The following SRPX2 variants were observed in gnomAD, a reference collection of about 807,000 sequenced individuals.
SRPX2 encodes sushi repeat containing protein X-linked 2.
Under a neutral mutation model 45.3 loss-of-function variants are expected in SRPX2, and 26 were observed. The ratio of observed to expected loss-of-function variants is 0.57; its 90% CI spans 0.42 to 0.80. SRPX2 has a LOEUF of 0.80. Among genes scored for constraint, SRPX2 ranks in the 30% least tolerant of loss-of-function variants. SRPX2 has a pLI of 0.00. For synonymous variants in SRPX2, 125 were observed against 143.7 expected (o/e 0.87, Z 0.93); for missense variants, 355 against 399.8 (o/e 0.89, Z 0.95).
At position 100,667,341 on chromosome X, in the gene SRPX2, A is replaced by C; in HGVS notation, c.1029A>C (p.Arg343=). 8.3e-7 allele frequency: 1 copy of C among 1,210,422 alleles called. No individual in the cohort carries two copies. The highest frequency in any genetic ancestry group is 1.1e-6 in the Non-Finnish European group (1 of 894,883). ...TGGATCAATTCTATGAGAAACAGCG[A>C]CTCCTCATCATCTCAGCTCCTGATC... ...GLLDQFYEKQ[R]LLIISAPDPS... The change falls in exon 9 of 11, where the codon CGA becomes CGC. Residue 343 remains arginine (R), a synonymous_variant. Transcript: ENST00000373004.
chrX:100,646,120 C>A, intron 1 of SRPX2, 73 bp from the exon 2 acceptor site: 1 of 436,512 alleles, frequency 2.3e-6, no homozygotes, highest in Non-Finnish European at 4.0e-6. Flanking sequence ...TATTCTATAA[C>A]ATGAAAGATC....
intron 3 of SRPX2, among the ~76,000 whole-genome samples, chrX:100,661,736 C>T (rs749661783): frequency 2.0e-4 from 22 of 112,022 alleles, no homozygotes; most frequent in Non-Finnish European, 3.9e-4. Context: ...CGCCACTGCA[C>T]TCCAGCCTGG....
Position 100,670,799 on chromosome X carries a change from C to G in SRPX2, c.1218-8C>G. 8.3e-7 allele frequency: 1 copy of G among 1,211,092 alleles called. No individual in the cohort carries two copies. Among genetic ancestry groups the G allele is most frequent in the Non-Finnish European group, 1.1e-6 (1 of 895,334 alleles). ...AGGTCTCATACCTCCCTGGGCTGTT[C>G]TCTCTAGGCAATTTCAGCGCCTCAC... is the stretch of plus-strand genomic sequence containing the variant. On this transcript the variant is annotated splice_region_variant and splice_polypyrimidine_tract_variant and intron_variant, in intron 10 of 10. Coordinates refer to ENST00000373004, the MANE Select transcript of SRPX2 (RefSeq NM_014467.3).
In SRPX2 at chrX:100,650,853, C is replaced by G. The variant is rs138644866; in HGVS notation, c.151C>G (p.Leu51Val). 5 of 1,206,804 alleles carry G rather than the reference C, an allele frequency of 4.1e-6. No homozygotes were observed. The African/African-American group carries it at 8.8e-5, about 21-fold the overall frequency. The change falls in exon 3 of 11, where the codon CTG becomes GTG. Residue 51 changes from leucine to valine, a missense_variant. Transcript: ENST00000373004. ...YAEEVPQAPA[L>V]DYRVPRWCYT... ...AGAGGAGGTCCCACAGGCTCCTGCC[C>G]TGGACTACCGAGGTAATCTACCCTG...
intron 3 of SRPX2, 42 bp from the exon 4 acceptor site, chrX:100,662,134 T>C: frequency 8.4e-7 from 1 of 1,184,245 alleles, no homozygotes; most frequent in Non-Finnish European, 1.1e-6. Context: ...CACACTGTCT[T>C]GATTACTATA....
chrX:100,647,992 A>G (rs1168168962), intron 2 of SRPX2, among the ~76,000 whole-genome samples: 1 of 112,322 alleles, frequency 8.9e-6, no homozygotes, highest in African/African-American at 3.2e-5. Context: ...GCTTGCCTTC[A>G]TGCCTTTGTT....
At chrX:100,670,755 G>A (rs1227190337) in intron 10 of SRPX2, 52 bp from the exon 11 acceptor site, 1 of 1,191,368 alleles carries the variant, frequency 8.4e-7, no homozygotes, top group Non-Finnish European at 1.1e-6. Context: ...TAGAGCCTGT[G>A]GGGATGGGTG....
intron 2 of SRPX2, among the ~76,000 whole-genome samples, chrX:100,649,863 C>G (rs1009659710): frequency 3.6e-5 from 4 of 112,236 alleles, no homozygotes; most frequent in Non-Finnish European, 7.5e-5. Context: ...GCTGGCTACC[C>G]TATTCCTGTG....
chrX:100,647,661 G>A (rs1241780342), intron 2 of SRPX2, among the ~76,000 whole-genome samples: 1 of 112,539 alleles, frequency 8.9e-6, no homozygotes, highest in Non-Finnish European at 1.9e-5. Flanking sequence ...AGATTAGATG[G>A]CTCGAAGCCC....
rs1410157552 is a variant in SRPX2 at position 100,658,050 on chromosome X, T to C, written c.164-4126T>C. Among the ~76,000 whole-genome samples the C allele has an allele frequency of 3.5e-5, 4 of 112,681 alleles. No homozygotes were observed. In the Admixed American group the frequency reaches 3.7e-4, roughly 11 times the overall value. ...AGTAGTTTGCAAATATTTTCTCCCA[T>C]TCAAGAGGCTGTCTCTTCACTCAGT... On this transcript the variant is annotated intron_variant, in intron 3 of 10. Coordinates refer to ENST00000373004, the MANE Select transcript of SRPX2 (RefSeq NM_014467.3).
intron 4 of SRPX2, among the ~76,000 whole-genome samples, chrX:100,664,475 CTTG>C (rs1408587190): frequency 4.5e-5 from 5 of 111,220 alleles, no homozygotes; most frequent in Non-Finnish European, 7.5e-5. Context: ...AAGGCCCACT[CTTG>C]TTGTATATTC....
rs1305213417 is a variant in SRPX2 at position 100,667,300 on chromosome X, T to C, written c.988T>C (p.Ser330Pro). The change falls in exon 9 of 11, where the codon TCA becomes CCA. Residue 330 changes from serine (S) to proline (P), a missense_variant. Physicochemically the swap from Ser to Pro is moderately conservative, Grantham distance 74. Transcript: ENST00000373004. Reference protein sequence around the residue: ...APMKINVNVNSAAGLLDQFYE... With the variant: ...APMKINVNVNPAAGLLDQFYE... The stretch of plus-strand genomic sequence containing the variant: ...TATGAAGATTAACGTCAACGTCAAC[T>C]CAGCTGCTGGTCTCTTGGATCAATT... 8.3e-7 allele frequency: 1 copy of C among 1,211,696 alleles called. No individual in the cohort carries two copies. Among genetic ancestry groups the C allele is most frequent in the South Asian group, 1.8e-5 (1 of 56,976 alleles).
In SRPX2 at chrX:100,673,063, A is replaced by C. The variant is rs902068724; in HGVS notation, c.*2076A>C. ...GCAGGCAAGTTATGGGCAGAGGCAG[A>C]TACAATGAGTTCATGTGGGAAATTT... On this transcript the variant is annotated 3_prime_UTR_variant, in exon 11 of 11. Transcript: ENST00000373004. The C allele has an allele frequency of 8.9e-6, 1 of 112,197 alleles. No homozygotes were observed. The highest frequency in any genetic ancestry group is 3.2e-5 in the African/African-American group (1 of 30,784). The allele number at this position is 112,197 out of a possible 1,213,427, so 9.2% of individuals were successfully genotyped here.
At chrX:100,662,151 G>C (rs41293523) in intron 3 of SRPX2, 25 bp from the exon 4 acceptor site, 10 of 1,201,949 alleles carry the variant, frequency 8.3e-6, no homozygotes, top group Non-Finnish European at 1.0e-5. Context: ...TATACTTCTA[G>C]CTTGCCTTTC....
At chrX:100,662,101 C>T in intron 3 of SRPX2, 75 bp from the exon 4 acceptor site, 1 of 1,058,704 alleles carries the variant, frequency 9.4e-7, no homozygotes, top group Non-Finnish European at 1.3e-6. Context: ...TTTCCATTGA[C>T]CTATTTGTCT....
intron 9 of SRPX2, among the ~76,000 whole-genome samples, 155 bp from the exon 10 acceptor site, chrX:100,669,093 G>A (rs1312622219): frequency 9.0e-6 from 1 of 111,290 alleles, no homozygotes; most frequent in Non-Finnish European, 1.9e-5. Flanking sequence ...AGAGGGAACA[G>A]GTTGTTGTAG....
At chrX:100,669,501 G>A (rs1025304092) in intron 10 of SRPX2, 132 bp downstream of exon 10, 20 of 610,515 alleles carry the variant, frequency 3.3e-5, no homozygotes, top group African/African-American at 8.9e-5. Flanking sequence ...CACTTCTTGC[G>A]TTTGAACTCT....
chrX:100,665,298 A>C lies in SRPX2; in HGVS notation c.588A>C (p.Pro196=), dbSNP rs1569361745. ...CPHSREKMAE[P]EKLTARVYWD... ...ACTCACGTGAGAAGATGGCAGAGCC[A>C]GAGAAATTGACTGCTCGAGTATACT... Residue 196 remains proline (P), a synonymous_variant, in exon 6 of 11, where the codon CCA becomes CCC. Coordinates refer to ENST00000373004, the MANE Select transcript of SRPX2 (RefSeq NM_014467.3). 1 of 1,210,511 alleles carries C rather than the reference A, an allele frequency of 8.3e-7. No individual in the cohort carries two copies.
rs2083236232 is a variant in SRPX2, at chrX:100,673,203, C to T, written c.*2216C>T. On this transcript the variant is annotated 3_prime_UTR_variant, in exon 11 of 11. Transcript: ENST00000373004. ...AATGGGGCAAGCCAGGACATACTAG[C>T]AGGTCAAAGGCCCAAACAGCGGAGG... is the stretch of plus-strand genomic sequence containing the variant. 1 of 112,253 alleles carries T rather than the reference C, an allele frequency of 8.9e-6. No individual in the cohort carries two copies. Among genetic ancestry groups the T allele is most frequent in the South Asian group, 3.7e-4 (1 of 2,686 alleles). The allele number at this position is 112,253 out of a possible 1,213,427, so 9.3% of individuals were successfully genotyped here. A position where few individuals can be genotyped will look rare whatever the true frequency, so the allele number is the denominator to read the frequency against.
Sources: allele counts gnomAD v4.1 joint callset (sites outside exome capture counted in the v4.1 genomes callset), GRCh38; gene constraint gnomAD v4.1.1; transcripts MANE v1.5; gene names NCBI Gene and HGNC (gene_info 2026-07-23, HGNC 2026-07-21).